Variants in BLMH observed in about 807,000 individuals in gnomAD.
BLMH encodes the protein BLM hydrolase.
In BLMH, 32 loss-of-function variants were observed where a neutral mutation model predicts 61.6. The observed-to-expected ratio is 0.52, with a 90% CI of 0.39 to 0.70. The LOEUF is 0.70. Among genes scored for constraint, BLMH ranks in the 30% least tolerant of loss-of-function variants. The probability of loss-of-function intolerance (pLI) is 0.00; values close to 1 mark genes in which losing one functional copy is unlikely to be tolerated. For synonymous variants in BLMH, 183 were observed against 193.8 expected (o/e 0.94, Z 0.46); for missense variants, 460 against 555.5 (o/e 0.83, Z 1.73).
At chr17:30,256,582 G>A (rs965325485) in intron 11 of BLMH, among the ~76,000 whole-genome samples, 15 of 152,144 alleles carry the variant, frequency 9.9e-5, no homozygotes, top group Non-Finnish European at 1.9e-4. Context: ...TACCCACCTC[G>A]GCCTCCCAAA....
At chr17:30,281,547 T>C (rs1567838204) in intron 6 of BLMH, among the ~76,000 whole-genome samples, 1 of 152,254 alleles carries the variant, frequency 6.6e-6, no homozygotes, top group Non-Finnish European at 1.5e-5. Flanking sequence ...CCAAAAAGCC[T>C]TCTTTCCTAT....
chr17:30,284,900 T>C (rs544965564), intron 6 of BLMH, among the ~76,000 whole-genome samples: 14 of 152,342 alleles, frequency 9.2e-5, no homozygotes, highest in Middle Eastern at 6.8e-3. Context: ...ATGGTCTTGT[T>C]ATCTACCTGG....
At chr17:30,278,842 T>TC (rs1366578649) in intron 6 of BLMH, among the ~76,000 whole-genome samples, 12 of 152,218 alleles carry the variant, frequency 7.9e-5, no homozygotes, top group Admixed American at 7.9e-4. Flanking sequence ...GCTAATTTTT[T>TC]GTATTTTCGG....
rs372912680 is a variant in BLMH, at chr17:30,274,586, T to G, written c.646-389A>C. Among the ~76,000 whole-genome samples, 7 of 152,206 alleles carry G rather than the reference T, an allele frequency of 4.6e-5. No homozygotes were observed. In the East Asian group the frequency reaches 1.2e-3, roughly 25 times the overall value. On this transcript the variant is annotated intron_variant, in intron 6 of 11. Transcript: ENST00000261714. The stretch of plus-strand genomic sequence containing the variant: ...ATTTTATAAATGGATTTCCTTCCCT[T>G]TATACATTGATGTTTTCCTTATTAC...
Position 30,248,844 on chromosome 17 carries a change from T to C in BLMH, c.*173A>G. The C allele has an allele frequency of 1.3e-6, 1 of 740,972 alleles. No homozygotes were observed. Among genetic ancestry groups the C allele is most frequent in the South Asian group, 2.0e-5 (1 of 50,184 alleles). 45.9% of individuals were successfully genotyped at this position (740,972 alleles called of 1,614,324 possible). A position where few individuals can be genotyped will look rare whatever the true frequency, so the allele number is the denominator to read the frequency against. On this transcript the variant is annotated 3_prime_UTR_variant, in exon 12 of 12. Transcript: ENST00000261714. ...CCCTCTTTTTTTTCCTTTAACAGTA[T>C]TCTGTTTCAGCATAAAGCACACTTT...
At chr17:30,250,635 G>A (rs932400272) in intron 11 of BLMH, among the ~76,000 whole-genome samples, 3 of 152,232 alleles carry the variant, frequency 2.0e-5, no homozygotes, top group African/African-American at 7.2e-5. Flanking sequence ...TACAATGCTG[G>A]TGGGAATATA....
At chr17:30,273,810 C>T in intron 7 of BLMH, 1 of 564,472 alleles carries the variant, frequency 1.8e-6, no homozygotes, top group Admixed American at 3.5e-5. Flanking sequence ...AAAATGACTG[C>T]TGGCTTACAG....
intron 11 of BLMH, among the ~76,000 whole-genome samples, chr17:30,266,652 T>C (rs1908119191): frequency 6.6e-6 from 1 of 152,018 alleles, no homozygotes; most frequent in Non-Finnish European, 1.5e-5. Context: ...GTCAACACAG[T>C]TTGCAACAAA....
chr17:30,274,119 A>G lies in BLMH; in HGVS notation c.724T>C (p.Tyr242His), dbSNP rs1272030738. Residue 242 changes from tyrosine to histidine, a missense_variant, in exon 7 of 12, where the codon TAT becomes CAT. Transcript: ENST00000261714. ...TWEYRDKDKN[Y>H]QKIGPITPLE... is the part of the protein sequence containing the mutation. ...GGTGTTATGGGGCCAATTTTCTGATAATTTTTATCTTTGTCTCGATATTCC... is the reference window on the plus strand; with the variant it reads ...GGTGTTATGGGGCCAATTTTCTGATGATTTTTATCTTTGTCTCGATATTCC... 1.9e-6 allele frequency: 3 copies of G among 1,614,106 alleles called. No homozygotes were observed. The highest frequency in any genetic ancestry group is 2.5e-6 in the Non-Finnish European group (3 of 1,180,000).
chr17:30,281,511 T>C (rs563996471), intron 6 of BLMH, among the ~76,000 whole-genome samples: 2 of 152,176 alleles, frequency 1.3e-5, no homozygotes, highest in Non-Finnish European at 1.5e-5. Context: ...TTTCTACACA[T>C]TGGTTCCCTC....
intron 4 of BLMH, among the ~76,000 whole-genome samples, chr17:30,287,331 T>G (rs866232916): frequency 1.3e-5 from 2 of 152,200 alleles, no homozygotes; most frequent in East Asian, 1.9e-4. Flanking sequence ...CCAGCCTAAG[T>G]AGGTTTTTAA....
In BLMH at chr17:30,286,796, C is replaced by A; in HGVS notation, c.552+18G>T. On this transcript the variant is annotated intron_variant, in intron 5 of 11. Coordinates refer to ENST00000261714, the MANE Select transcript of BLMH (RefSeq NM_000386.4). ...AAAGTACACTAAACTCAATCCCACC[C>A]TGCTTCATATATTGTACCTTGTGAT... The A allele has an allele frequency of 1.9e-6, 3 of 1,541,018 alleles. No homozygotes were observed. Among genetic ancestry groups the A allele is most frequent in the Non-Finnish European group, 2.7e-6 (3 of 1,115,420 alleles).
chr17:30,248,963 T>TCC lies in BLMH; in HGVS notation c.*52_*53dup. ...ACTTTGGCTTCAGTCCCTGGATCTG[T>TCC]CCTTTGCAGCTACGTCAGGTTCCAT... On this transcript the variant is annotated 3_prime_UTR_variant, in exon 12 of 12. Transcript: ENST00000261714. 6.2e-7 allele frequency: 1 copy of TCC among 1,603,052 alleles called. No individual in the cohort carries two copies. The highest frequency in any genetic ancestry group is 8.5e-7 in the Non-Finnish European group (1 of 1,174,322).
Position 30,291,440 on chromosome 17 carries a change from G to A in BLMH, c.82C>T (p.Gln28Ter). ...LNSDPQFVLA[Q>*]NVGTTHDLLD... ...AGGTCGTGGGTGGTCCCGACATTCT[G>A]GGCAAGTACGAACTGGGGGTCGGAA... is the stretch of plus-strand genomic sequence containing the variant. The change falls in exon 2 of 12, where the codon CAG (glutamine) becomes TAG (stop). Residue 28 changes from glutamine to a stop codon, truncating the protein, a stop_gained. Transcript: ENST00000261714. LOFTEE classifies it high-confidence loss of function. 1 of 1,614,216 alleles carries A rather than the reference G, an allele frequency of 6.2e-7. No individual in the cohort carries two copies. The highest frequency in any genetic ancestry group is 8.5e-7 in the Non-Finnish European group (1 of 1,180,048).
chr17:30,269,629 C>T (rs1484792861), intron 10 of BLMH, among the ~76,000 whole-genome samples: 1 of 152,172 alleles, frequency 6.6e-6, no homozygotes, highest in Non-Finnish European at 1.5e-5. Context: ...TTATACTCCA[C>T]ACATTCTCCT....
In BLMH at chr17:30,257,767, C is replaced by T. The variant is rs148337572; in HGVS notation, c.1217-8599G>A. 1.2e-3 allele frequency among the ~76,000 whole-genome samples: 178 copies of T among 152,146 alleles called. 1 individual carries two copies. The highest frequency in any genetic ancestry group is 4.0e-3 in the African/African-American group (166 of 41,420). ...AGAGGGCAGTAAGTAAAGCCAACAT[C>T]GAACCCAGGTCTTAAATTCAAATTC... On this transcript the variant is annotated intron_variant, in intron 11 of 11. Transcript: ENST00000261714.
intron 10 of BLMH, 112 bp downstream of exon 10, chr17:30,271,159 C>G: frequency 1.2e-6 from 1 of 836,508 alleles, no homozygotes; most frequent in Non-Finnish European, 1.9e-6. Flanking sequence ...TGGAAACTAA[C>G]TTTTAACAGA....
At chr17:30,261,699 A>C (rs1381076493) in intron 11 of BLMH, among the ~76,000 whole-genome samples, 1 of 152,226 alleles carries the variant, frequency 6.6e-6, no homozygotes, top group Non-Finnish European at 1.5e-5. Flanking sequence ...CATTTTATGA[A>C]GAATATGTTG....
In BLMH at chr17:30,272,836, A is replaced by G; in HGVS notation, c.865T>C (p.Leu289=). ...TTTCTCCCTCCAACCATATTGCTTA[A>G]GTATTCCACTGTGTAAAGTTTGTTG... ...KYNKLYTVEY[L]SNMVGGRKTL... The change falls in exon 8 of 12, where the codon TTA becomes CTA. Residue 289 remains leucine (L), a synonymous_variant. Coordinates refer to ENST00000261714, the MANE Select transcript of BLMH (RefSeq NM_000386.4). The G allele has an allele frequency of 6.2e-7, 1 of 1,614,152 alleles. No individual in the cohort carries two copies. Among genetic ancestry groups the G allele is most frequent in the Non-Finnish European group, 8.5e-7 (1 of 1,180,024 alleles).
Sources: gnomAD v4.1 joint callset for allele counts (sites outside exome capture counted in the v4.1 genomes callset) on GRCh38, gnomAD v4.1.1 for gene constraint, MANE v1.5 for transcripts, NCBI Gene and HGNC (gene_info 2026-07-23, HGNC 2026-07-21) for gene names.